KHDRBS2: variants seen among roughly 807,000 people sequenced by gnomAD.
KHDRBS2 encodes the protein KH RNA binding domain containing, signal transduction associated 2.
In KHDRBS2, 26 loss-of-function variants were observed where a neutral mutation model predicts 44.3. That is an observed-to-expected ratio of 0.59 (90% CI 0.43 to 0.81). The LOEUF (loss-of-function observed/expected upper bound fraction) is 0.81, where lower values mean the gene tolerates loss of function less well. Among genes scored for constraint, KHDRBS2 ranks in the 40% least tolerant of loss-of-function variants. The pLI is 0.00. For missense variants in KHDRBS2, 476 were observed against 433.1 expected (o/e 1.10, Z -0.88); for synonymous variants, 194 against 151.1 (o/e 1.28, Z -2.08).
chr6:62,234,754 T>A (rs2150161910), intron 1 of KHDRBS2, among the ~76,000 whole-genome samples: 1 of 152,000 alleles, frequency 6.6e-6, no homozygotes, highest in Non-Finnish European at 1.5e-5. Context: ...TGAAAAGAAA[T>A]CATCCAGAAG....
At chr6:62,189,529 T>C (rs976642212) in intron 1 of KHDRBS2, among the ~76,000 whole-genome samples, 24 of 152,028 alleles carry the variant, frequency 1.6e-4, no homozygotes, top group Admixed American at 5.3e-4. Context: ...GACAGAACTT[T>C]TATTTTCTTC....
At chr6:61,947,758 T>G (rs1369370760) in intron 4 of KHDRBS2, among the ~76,000 whole-genome samples, 1 of 151,984 alleles carries the variant, frequency 6.6e-6, no homozygotes, top group African/African-American at 2.4e-5. Flanking sequence ...CATATTTATA[T>G]GCATGAATAT....
At chr6:61,766,879 T>C (rs1426671986) in intron 6 of KHDRBS2, among the ~76,000 whole-genome samples, 3 of 152,064 alleles carry the variant, frequency 2.0e-5, no homozygotes, top group South Asian at 2.1e-4. Flanking sequence ...TGTGTCCTAA[T>C]ATATGGCCTG....
rs1819690859 is a variant in KHDRBS2, at chr6:62,170,077, C to T, written c.219+7108G>A. The stretch of plus-strand genomic sequence containing the variant: ...CGCCACGCCTGCTAGATCTTTTAGC[C>T]CACTGTCTTACTTCTGTCCAAAATC... On this transcript the variant is annotated intron_variant, in intron 2 of 8. Coordinates refer to ENST00000281156, the MANE Select transcript of KHDRBS2 (RefSeq NM_152688.4). Among the ~76,000 whole-genome samples, 4 of 151,920 alleles carry T rather than the reference C, an allele frequency of 2.6e-5. No homozygotes were observed. The South Asian group carries it at 8.3e-4, about 32-fold the overall frequency.
chr6:62,037,432 A>AT (rs1025699782), intron 3 of KHDRBS2, among the ~76,000 whole-genome samples: 84 of 152,018 alleles, frequency 5.5e-4, no homozygotes, highest in African/African-American at 1.9e-3. Flanking sequence ...TGAAAAAAAA[A>AT]TATTCTGATA....
chr6:61,899,995 T>A (rs1169734011), intron 5 of KHDRBS2, among the ~76,000 whole-genome samples: 4 of 152,016 alleles, frequency 2.6e-5, no homozygotes, highest in Admixed American at 2.0e-4. Flanking sequence ...AGTATTGTAT[T>A]ATGTCACATT....
In KHDRBS2 at chr6:62,260,011, T is replaced by G. The variant is rs544950784; in HGVS notation, c.91+25847A>C. Among the ~76,000 whole-genome samples the G allele has an allele frequency of 2.0e-5, 3 of 152,116 alleles. No homozygotes were observed. The South Asian group carries it at 6.2e-4, about 32-fold the overall frequency. ...TGGCTATATGACGAGGATCTTCCAC[T>G]GCTGTCAGGAAGGCCATGTAGTGCT... On this transcript the variant is annotated intron_variant, in intron 1 of 8. Coordinates refer to ENST00000281156, the MANE Select transcript of KHDRBS2 (RefSeq NM_152688.4).
At chr6:62,197,283 T>A (rs1216351420) in intron 1 of KHDRBS2, among the ~76,000 whole-genome samples, 1 of 152,134 alleles carries the variant, frequency 6.6e-6, no homozygotes, top group African/African-American at 2.4e-5. Context: ...TACTGTGATA[T>A]CAAGTTAAAA....
chr6:61,900,884 G>A (rs556114786), intron 5 of KHDRBS2, among the ~76,000 whole-genome samples: 5 of 152,306 alleles, frequency 3.3e-5, no homozygotes, highest in African/African-American at 1.2e-4. Flanking sequence ...CCTGAGGATA[G>A]AACAGTAAAG....
rs1038922578 is a variant in KHDRBS2, at chr6:62,228,696, G to A, written c.92-51384C>T. Among the ~76,000 whole-genome samples, 3 of 151,904 alleles carry A rather than the reference G, an allele frequency of 2.0e-5. No individual in the cohort carries two copies. The East Asian group carries it at 5.8e-4, about 29-fold the overall frequency. ...TGCTATAAATTTCCCTCCTAACACT[G>A]TGTTAGCTGTGTCCCAGCTAATCTG... On this transcript the variant is annotated intron_variant, in intron 1 of 8. Coordinates refer to ENST00000281156, the MANE Select transcript of KHDRBS2 (RefSeq NM_152688.4).
At chr6:62,209,413 T>A (rs1828623579) in intron 1 of KHDRBS2, among the ~76,000 whole-genome samples, 1 of 152,204 alleles carries the variant, frequency 6.6e-6, no homozygotes, top group African/African-American at 2.4e-5. Flanking sequence ...CATTTCTCAA[T>A]GAATTGTGTA....
chr6:62,040,245 G>T (rs909002801), intron 3 of KHDRBS2, among the ~76,000 whole-genome samples: 9 of 151,658 alleles, frequency 5.9e-5, no homozygotes, highest in Non-Finnish European at 8.8e-5. Context: ...ACAGACACAC[G>T]CATGCACGCA....
intron 2 of KHDRBS2, among the ~76,000 whole-genome samples, chr6:62,107,522 A>G (rs369315692): frequency 1.3e-5 from 2 of 152,152 alleles, no homozygotes; most frequent in South Asian, 2.1e-4. Context: ...TACTGCCCAA[A>G]GAAATTTATA....
the KHDRBS2 span, among the ~76,000 whole-genome samples, chr6:61,673,103 A>G: frequency 6.6e-6 from 1 of 151,882 alleles, no homozygotes; most frequent in Admixed American, 6.6e-5. Flanking sequence ...TTAAATAGGG[A>G]ATCCTTCCCC....
chr6:61,670,237 C>T, the KHDRBS2 span, among the ~76,000 whole-genome samples: 3 of 151,280 alleles, frequency 2.0e-5, no homozygotes, highest in East Asian at 5.9e-4. Flanking sequence ...CTGTCAAATC[C>T]TAAGACAATC....
At chr6:61,925,728 A>ATC in intron 4 of KHDRBS2, among the ~76,000 whole-genome samples, 4 of 147,524 alleles carry the variant, frequency 2.7e-5, no homozygotes, top group African/African-American at 1.0e-4. Flanking sequence ...TCTCTCTCAA[A>ATC]AAAAAAAAAA....
At chr6:61,685,193 T>A (rs181951345) in intron 8 of KHDRBS2, among the ~76,000 whole-genome samples, 1 of 151,836 alleles carries the variant, frequency 6.6e-6, no homozygotes, top group Non-Finnish European at 1.5e-5. Context: ...GAAGAGATTT[T>A]CTGAGCAAAT....
At chr6:61,544,686 A>T in the KHDRBS2 span, among the ~76,000 whole-genome samples, 119 of 152,170 alleles carry the variant, frequency 7.8e-4, no homozygotes, top group South Asian at 0.014. Context: ...CAAAAATTTG[A>T]GTTAGAATGA....
chr6:61,913,347 G>A (rs1806393035), intron 4 of KHDRBS2, among the ~76,000 whole-genome samples: 1 of 151,944 alleles, frequency 6.6e-6, no homozygotes, highest in African/African-American at 2.4e-5. Context: ...AAGATGTGGA[G>A]TACTGGAACA....
Sources: gnomAD v4.1 joint callset for allele counts (sites outside exome capture counted in the v4.1 genomes callset) on GRCh38, gnomAD v4.1.1 for gene constraint, MANE v1.5 for transcripts, NCBI Gene and HGNC (gene_info 2026-07-23, HGNC 2026-07-21) for gene names.